The following SDSL variants were observed in gnomAD, a reference collection of about 807,000 sequenced individuals.
SDSL encodes serine dehydratase like, also known as serine dehydratase-like.
SDSL carries 26 observed loss-of-function variants against 27.6 expected under a neutral mutation model. That is an observed-to-expected ratio of 0.94 (90% CI 0.69 to 1.31). SDSL has a LOEUF of 1.31. Ranked by LOEUF, SDSL falls within the 50% of genes most tolerant of loss-of-function variation. The pLI is 0.00. For missense variants in SDSL, 431 were observed against 423.5 expected, an observed-to-expected ratio of 1.02 and a Z score of -0.16; for synonymous variants, 196 against 180.6, an observed-to-expected ratio of 1.09 and a Z score of -0.69.
At chr12:113,428,211 A>T (rs1957874719) in intron 2 of SDSL, 55 bp downstream of exon 2, 1 of 1,477,286 alleles carries the variant, frequency 6.8e-7, no homozygotes, top group African/African-American at 1.4e-5. Flanking sequence ...GGGAGGGAAG[A>T]GTGAGGGGTG....
intron 3 of SDSL, 39 bp from the exon 4 acceptor site, chr12:113,429,121 T>A: frequency 3.2e-6 from 5 of 1,585,740 alleles, no homozygotes; most frequent in Non-Finnish European, 4.3e-6. Flanking sequence ...CAAAGGCCAA[T>A]CAGCTCTGCC....
intron 4 of SDSL, among the ~76,000 whole-genome samples, chr12:113,432,492 CCACCA>C (rs1957947442): frequency 6.6e-6 from 1 of 151,882 alleles, no homozygotes. Flanking sequence ...CAGGTGCACG[CCACCA>C]CACCCGGCTA....
At chr12:113,434,387 T>C (rs1315984030) in intron 5 of SDSL, among the ~76,000 whole-genome samples, 165 bp downstream of exon 5, 2 of 152,204 alleles carry the variant, frequency 1.3e-5, no homozygotes, top group African/African-American at 4.8e-5. Context: ...TTGTGAATTG[T>C]GGGACTTTGT....
chr12:113,426,800 G>T (rs528917806), intron 1 of SDSL, among the ~76,000 whole-genome samples: 1 of 152,030 alleles, frequency 6.6e-6, no homozygotes, highest in Non-Finnish European at 1.5e-5. Context: ...TTAGCCAGAC[G>T]TGGTGATGTG....
intron 4 of SDSL, among the ~76,000 whole-genome samples, chr12:113,430,420 C>T (rs1957907346): frequency 6.6e-6 from 1 of 152,192 alleles, no homozygotes; most frequent in South Asian, 2.1e-4. Flanking sequence ...CAAATAGCAG[C>T]AGCTTATAAG....
At chr12:113,429,091 AG>A (rs1957886916) in intron 3 of SDSL, 68 bp from the exon 4 acceptor site, 1 of 1,548,694 alleles carries the variant, frequency 6.5e-7, no homozygotes. Flanking sequence ...AGGGATATGG[AG>A]GGGGAGGGGA....
chr12:113,427,609 G>A (rs533542006), intron 1 of SDSL, among the ~76,000 whole-genome samples: 56 of 152,152 alleles, frequency 3.7e-4, no homozygotes, highest in Non-Finnish European at 7.5e-4. Flanking sequence ...TGACTCGTGG[G>A]TCCCCAAACC....
chr12:113,430,325 C>T (rs888729169), intron 4 of SDSL, among the ~76,000 whole-genome samples: 4 of 152,174 alleles, frequency 2.6e-5, no homozygotes, highest in Admixed American at 2.0e-4. Flanking sequence ...ACGGGGGAAG[C>T]ACAGGGCACC....
intron 1 of SDSL, among the ~76,000 whole-genome samples, chr12:113,423,244 A>G (rs1957811782): frequency 6.6e-6 from 1 of 152,240 alleles, no homozygotes; most frequent in South Asian, 2.1e-4. Flanking sequence ...TAAATATTAA[A>G]TGCATGCAGC....
At chr12:113,425,099 A>C (rs1374222622) in intron 1 of SDSL, among the ~76,000 whole-genome samples, 1 of 152,128 alleles carries the variant, frequency 6.6e-6, no homozygotes, top group Non-Finnish European at 1.5e-5. Context: ...TCCCCATTTT[A>C]GAGAAGGGGA....
chr12:113,433,855 G>A (rs932982107), intron 4 of SDSL, among the ~76,000 whole-genome samples: 8 of 152,302 alleles, frequency 5.3e-5, no homozygotes, highest in East Asian at 3.9e-4. Flanking sequence ...GAGCTGACCC[G>A]CTCCCAGCCT....
Position 113,437,878 on chromosome 12 carries a change from C to A in SDSL, c.797-8C>A. The A allele has an allele frequency of 6.3e-7, 1 of 1,587,522 alleles. No homozygotes were observed. The highest frequency in any genetic ancestry group is 8.6e-7 in the Non-Finnish European group (1 of 1,166,566). On this transcript the variant is annotated splice_polypyrimidine_tract_variant and splice_region_variant and intron_variant, in intron 7 of 7. Coordinates refer to ENST00000403593, the MANE Select transcript of SDSL (RefSeq NM_001304993.2). The stretch of plus-strand genomic sequence containing the variant: ...TTCCTTCCTCTCTCCATCCCCCGAT[C>A]CTGGCAGATGATGAGCGTATGCTGG...
At chr12:113,432,244 CTTTCTTTCTTTCTTTCTT>C (rs1957934394) in intron 4 of SDSL, among the ~76,000 whole-genome samples, 2 of 137,570 alleles carry the variant, frequency 1.5e-5, no homozygotes, top group Non-Finnish European at 3.1e-5. Flanking sequence ...TTCTTTCTTT[CTTTCTTTCTTTCTTTCTT>C]TCTTTCTTTC....
chr12:113,434,360 A>T (rs1257405265), intron 5 of SDSL, 138 bp downstream of exon 5: 5 of 606,588 alleles, frequency 8.2e-6, no homozygotes, highest in African/African-American at 3.7e-5. Context: ...ATGGGTTCAG[A>T]TCCCACTTCT....
Position 113,428,875 on chromosome 12 carries a change from A to T in SDSL, c.215-285A>T, listed in dbSNP as rs547038879. Among the ~76,000 whole-genome samples the T allele has an allele frequency of 1.3e-4, 19 of 151,668 alleles. 1 individual carries two copies. In the East Asian group the frequency reaches 1.4e-3, roughly 11 times the overall value. ...TCCTACCAGCCTCCCAACCCTAGGG[A>T]AAAGGGAGCACCCCTTCTCGATGCC... On this transcript the variant is annotated intron_variant, in intron 3 of 7. Coordinates refer to ENST00000403593, the MANE Select transcript of SDSL (RefSeq NM_001304993.2).
chr12:113,427,748 T>C lies in SDSL; in HGVS notation c.-21-214T>C, dbSNP rs568513353. Among the ~76,000 whole-genome samples the C allele has an allele frequency of 1.1e-4, 16 of 152,306 alleles. No homozygotes were observed. In the South Asian group the frequency reaches 3.3e-3, roughly 32 times the overall value. The stretch of plus-strand genomic sequence containing the variant: ...TACATCCCCAGCACAGCCACACTTA[T>C]GGAATGAAAGGACCCCAGGCCAAAC... On this transcript the variant is annotated intron_variant, in intron 1 of 7. Transcript: ENST00000403593.
chr12:113,432,248 C>CT (rs572290399), intron 4 of SDSL, among the ~76,000 whole-genome samples: 1 of 139,342 alleles, frequency 7.2e-6, no homozygotes, highest in African/African-American at 2.9e-5. Flanking sequence ...TTCTTTCTTT[C>CT]TTTCTTTCTT....
chr12:113,435,232 G>A, intron 5 of SDSL, 97 bp from the exon 6 acceptor site: 4 of 760,940 alleles, frequency 5.3e-6, no homozygotes, highest in Non-Finnish European at 8.2e-6. Context: ...ATATGAGGGG[G>A]CAGAGAACCC....
At chr12:113,434,060 A>T in intron 4 of SDSL, 74 bp from the exon 5 acceptor site, 1 of 1,249,228 alleles carries the variant, frequency 8.0e-7, no homozygotes, top group Non-Finnish European at 1.1e-6. Context: ...CACCAAGGAG[A>T]TCCTGGGCCT....
Sources: gnomAD v4.1 joint callset for allele counts (sites outside exome capture counted in the v4.1 genomes callset) on GRCh38, gnomAD v4.1.1 for gene constraint, MANE v1.5 for transcripts, NCBI Gene and HGNC (gene_info 2026-07-23, HGNC 2026-07-21) for gene names.